HSPA12B: variants seen among roughly 807,000 people sequenced by gnomAD.
HSPA12B encodes the protein heat shock 70 kDa protein 12B.
A neutral mutation model predicts 69.3 loss-of-function variants in HSPA12B; 54 were observed. The observed-to-expected ratio is 0.78, with a 90% CI of 0.63 to 0.98. The LOEUF is 0.98. Ranked by LOEUF, HSPA12B falls within the 50% of genes least tolerant of loss-of-function variation. The probability of loss-of-function intolerance (pLI) is 0.00; values close to 1 mark genes in which losing one functional copy is unlikely to be tolerated. For missense variants in HSPA12B, 929 were observed against 999.8 expected, an observed-to-expected ratio of 0.93 and a Z score of 0.96; for synonymous variants, 441 against 436.5, an observed-to-expected ratio of 1.01 and a Z score of -0.13.
intron 12 of HSPA12B, 46 bp from the exon 13 acceptor site, chr20:3,751,451 CTCTCCCCCGCCCCT>C: frequency 1.5e-6 from 2 of 1,362,324 alleles, no homozygotes; most frequent in Non-Finnish European, 1.9e-6. Context: ...CAGTGGCTCT[CTCTCCCCCGCCCCT>C]TCTCCTCTGC....
chr20:3,751,845 C>T lies in HSPA12B; in HGVS notation c.1740C>T (p.Ala580=), dbSNP rs1416746874. 4 of 1,542,954 alleles carry T rather than the reference C, an allele frequency of 2.6e-6. No individual in the cohort carries two copies. The highest frequency in any genetic ancestry group is 2.4e-5 in the South Asian group (2 of 84,226). ...CTDVFERFVA[A]EQSVALGEEV... is the part of the protein sequence containing the mutation. ...ACGTCTTCGAGCGCTTCGTGGCCGC[C>T]GAGCAGTCGGTGGCCCTGGGCGAGG... Residue 580 remains alanine (A), a synonymous_variant, in exon 13 of 13, where the codon GCC becomes GCT. Transcript: ENST00000254963.
chr20:3,742,341 T>G lies in HSPA12B; in HGVS notation c.199T>G (p.Phe67Val). The G allele has an allele frequency of 6.2e-7, 1 of 1,614,164 alleles. No individual in the cohort carries two copies. The highest frequency in any genetic ancestry group is 8.5e-7 in the Non-Finnish European group (1 of 1,179,990). ...ASFSVVVAIDFGTTSSGYAFS... is the reference protein window; with the variant it reads ...ASFSVVVAIDVGTTSSGYAFS... The stretch of plus-strand genomic sequence containing the variant: ...CTTCTCTGTGGTGGTGGCCATTGAC[T>G]TCGGCACCACGTCTAGTGGCTATGC... Residue 67 changes from phenylalanine to valine, a missense_variant, in exon 4 of 13, where the codon TTC becomes GTC. By Grantham distance (50) the Phe-to-Val change is conservative. Coordinates refer to ENST00000254963, the MANE Select transcript of HSPA12B (RefSeq NM_052970.5).
At chr20:3,750,548 A>C (rs570557426) in intron 11 of HSPA12B, 94 of 492,848 alleles carry the variant, frequency 1.9e-4, no homozygotes, top group African/African-American at 1.9e-3. Context: ...GTTTCCCTGC[A>C]CCAAAGCAAG....
rs2088372045 is a variant in HSPA12B at position 3,749,626 on chromosome 20, C to T, written c.938-124C>T. Reference sequence around the variant, plus strand: ...AGCACCTGAAGCCCCTCACGTCCCTCCCCCGACCCTGCAGACAGGCCTTGG... The same window carrying T: ...AGCACCTGAAGCCCCTCACGTCCCTTCCCCGACCCTGCAGACAGGCCTTGG... On this transcript the variant is annotated intron_variant, in intron 9 of 12. Transcript: ENST00000254963. This position sits in a 1 kb window ranked among gnomAD's most constrained non-coding sequence, Gnocchi z 5.5. 5.6e-6 allele frequency: 4 copies of T among 711,916 alleles called. No homozygotes were observed. The highest frequency in any genetic ancestry group is 9.2e-6 in the Non-Finnish European group (4 of 436,124). 44.1% of individuals were successfully genotyped at this position (711,916 alleles called of 1,614,324 possible).
At chr20:3,736,750 C>T (rs1019162465) in intron 1 of HSPA12B, among the ~76,000 whole-genome samples, 1 of 152,178 alleles carries the variant, frequency 6.6e-6, no homozygotes, top group Non-Finnish European at 1.5e-5. Flanking sequence ...AGGCCAGACG[C>T]GGTGGCTTAC....
chr20:3,749,239 G>A lies in HSPA12B; in HGVS notation c.858G>A (p.Glu286=), dbSNP rs1261532277. The change falls in exon 9 of 13, where the codon GAG becomes GAA. Residue 286 remains glutamate (E), a synonymous_variant. Coordinates refer to ENST00000254963, the MANE Select transcript of HSPA12B (RefSeq NM_052970.5). The surrounding 1 kb of genome is among the most constrained non-coding windows in gnomAD (Gnocchi z 5.5). ...CTGTCTCCTGACCCCCAGCTCGGGA[G>A]CAGCTGCGAAGGTCCCGCCACAGCC... ...SIDSSFRQAR[E]QLRRSRHSRT... 1 of 1,612,812 alleles carries A rather than the reference G, an allele frequency of 6.2e-7. No homozygotes were observed.
chr20:3,733,000 G>C (rs1328218319), intron 1 of HSPA12B, among the ~76,000 whole-genome samples: 3 of 152,226 alleles, frequency 2.0e-5, no homozygotes, highest in African/African-American at 7.2e-5. Context: ...GGGCTTCGGG[G>C]GACCACCTCC....
chr20:3,751,967 A>G lies in HSPA12B; in HGVS notation c.1862A>G (p.Asp621Gly), dbSNP rs763134714. 1 of 1,578,774 alleles carries G rather than the reference A, an allele frequency of 6.3e-7. No individual in the cohort carries two copies. The highest frequency in any genetic ancestry group is 1.4e-5 in the African/African-American group (1 of 73,570). Residue 621 changes from aspartate to glycine, a missense_variant, in exon 13 of 13, where the codon GAC becomes GGC. Asp to Gly is a moderately conservative substitution (Grantham distance 94). This residue lies in a region of HSPA12B where 448 missense variants were observed against 448.1 expected (regional missense o/e 1.00). Transcript: ENST00000254963. The part of the protein sequence containing the change: ...CAAEDARFIT[D>G]PGVRKCGALS... Reference sequence around the variant, plus strand: ...GCAGAGGATGCGCGCTTCATCACCGACCCCGGCGTGCGCAAATGCGGCGCG... The same window carrying G: ...GCAGAGGATGCGCGCTTCATCACCGGCCCCGGCGTGCGCAAATGCGGCGCG...
chr20:3,742,538 C>T (rs1216935281), intron 4 of HSPA12B, 130 bp downstream of exon 4: 1 of 689,410 alleles, frequency 1.5e-6, no homozygotes, highest in African/African-American at 1.8e-5. Flanking sequence ...TGGGGCTCCC[C>T]ACTGGGGTAA....
rs775456239 is a variant in HSPA12B, at chr20:3,752,040, C to A, written c.1935C>A (p.Gly645=). The A allele has an allele frequency of 6.4e-7, 1 of 1,551,050 alleles. No homozygotes were observed. Among genetic ancestry groups the A allele is most frequent in the Non-Finnish European group, 8.7e-7 (1 of 1,154,322 alleles). The change falls in exon 13 of 13, where the codon GGC becomes GGA. Residue 645 remains glycine (G), a synonymous_variant. Transcript: ENST00000254963. ...EPADCGQDTA[G]APPGRREIRA... is the part of the protein sequence containing the mutation. ...CCGACTGCGGCCAGGACACCGCCGG[C>A]GCGCCTCCCGGCCGCCGCGAGATCC...
Position 3,744,998 on chromosome 20 carries a change from C to T in HSPA12B, c.363C>T (p.Thr121=), listed in dbSNP as rs2088269838. The part of the protein sequence containing the change: ...PEGAFHSFGY[T]ARDYYHDLDP... ...GCGCCTTCCACAGCTTTGGCTACAC[C>T]GCCCGCGATTACTACCATGACCTGG... The change falls in exon 5 of 13, where the codon ACC becomes ACT. Residue 121 remains threonine, a synonymous_variant. Coordinates refer to ENST00000254963, the MANE Select transcript of HSPA12B (RefSeq NM_052970.5). The surrounding 1 kb of genome is among the most constrained non-coding windows in gnomAD (Gnocchi z 4.9). 6.2e-7 allele frequency: 1 copy of T among 1,614,016 alleles called. No homozygotes were observed. The highest frequency in any genetic ancestry group is 1.6e-4 in the Middle Eastern group (1 of 6,062).
intron 11 of HSPA12B, 93 bp downstream of exon 11, chr20:3,750,320 C>A: frequency 7.7e-7 from 1 of 1,296,942 alleles, no homozygotes; most frequent in South Asian, 1.5e-5. Flanking sequence ...CGGTGGGGGT[C>A]TGCCTGATTC....
rs1600320833 is a variant in HSPA12B at position 3,745,175 on chromosome 20, T to C, written c.453+87T>C. On this transcript the variant is annotated intron_variant, in intron 5 of 12. Transcript: ENST00000254963. This position sits in a 1 kb window ranked among gnomAD's most constrained non-coding sequence, Gnocchi z 5.6. ...GGGTGGGTGGGACAAAACCAAAACG[T>C]GTGAGGACCGGCCCGATGGAGTCGT... 4.1e-6 allele frequency: 5 copies of C among 1,219,856 alleles called. No homozygotes were observed. The highest frequency in any genetic ancestry group is 5.8e-6 in the Non-Finnish European group (5 of 860,192). 75.6% of individuals were successfully genotyped at this position (1,219,856 alleles called of 1,614,324 possible).
intron 1 of HSPA12B, among the ~76,000 whole-genome samples, chr20:3,734,975 C>T (rs2088086615): frequency 6.6e-6 from 1 of 151,904 alleles, no homozygotes; most frequent in Admixed American, 6.6e-5. Context: ...TGAGCTCAAG[C>T]AATCCACCCA....
At chr20:3,734,443 C>G (rs150590139) in intron 1 of HSPA12B, among the ~76,000 whole-genome samples, 2,125 of 152,298 alleles carry the variant, frequency 0.014, 57 homozygotes, top group African/African-American at 0.047. Flanking sequence ...GTGCTTGTAG[C>G]CAGGAAATGG....
rs191343049 is a variant in HSPA12B, at chr20:3,739,008, G to A, written c.43+291G>A. On this transcript the variant is annotated intron_variant, in intron 2 of 12. Coordinates refer to ENST00000254963, the MANE Select transcript of HSPA12B (RefSeq NM_052970.5). ...GTGTATATGAGTGTGGGCTGAGTGCGTGTGTTTGTGTGTGCCAGAAGGGTC... is the reference window on the plus strand; with the variant it reads ...GTGTATATGAGTGTGGGCTGAGTGCATGTGTTTGTGTGTGCCAGAAGGGTC... Among the ~76,000 whole-genome samples the A allele has an allele frequency of 3.5e-3, 527 of 152,236 alleles. 5 individuals are homozygous for A. The highest frequency in any genetic ancestry group is 5.6e-3 in the South Asian group (27 of 4,822).
At position 3,745,141 on chromosome 20, in the gene HSPA12B, G is replaced by C. The variant is rs2146574863; in HGVS notation, c.453+53G>C. 6.8e-7 allele frequency: 1 copy of C among 1,462,612 alleles called. No individual in the cohort carries two copies. The highest frequency in any genetic ancestry group is 1.2e-5 in the South Asian group (1 of 82,682). The allele number at this position is 1,462,612 out of a possible 1,614,324, so 90.6% of individuals were successfully genotyped here. A position where few individuals can be genotyped will look rare whatever the true frequency, so the allele number is the denominator to read the frequency against. ...GCGGGGCCAGCATGGAAAAGGGCAG[G>C]GCTAATGGGGGTGGGTGGGACAAAA... On this transcript the variant is annotated intron_variant, in intron 5 of 12. Coordinates refer to ENST00000254963, the MANE Select transcript of HSPA12B (RefSeq NM_052970.5). The surrounding 1 kb of genome is among the most constrained non-coding windows in gnomAD (Gnocchi z 5.6).
intron 12 of HSPA12B, chr20:3,751,168 G>A (rs2088413390): frequency 1.2e-6 from 1 of 868,564 alleles, no homozygotes; most frequent in Non-Finnish European, 1.4e-6. Context: ...TTCTCAAAAC[G>A]TTATCACAGG....
At chr20:3,738,807 C>G (rs982723929) in intron 2 of HSPA12B, 90 bp downstream of exon 2, 24 of 1,332,944 alleles carry the variant, frequency 1.8e-5, no homozygotes, top group Middle Eastern at 1.8e-4. Flanking sequence ...ATGTACCTCT[C>G]CCACAGAGCT....
Sources: allele counts gnomAD v4.1 joint callset (sites outside exome capture counted in the v4.1 genomes callset), GRCh38; gene constraint gnomAD v4.1.1; regional missense constraint gnomAD v4.1.1; non-coding constraint Gnocchi (gnomAD v3.1); transcripts MANE v1.5; gene names NCBI Gene and HGNC (gene_info 2026-07-23, HGNC 2026-07-21).